The following BAIAP2L1 variants were observed in gnomAD, a reference collection of about 807,000 sequenced individuals.
The protein encoded by BAIAP2L1 is BAR/IMD domain containing adaptor protein 2 like 1.
A neutral mutation model predicts 66.3 loss-of-function variants in BAIAP2L1; 35 were observed. The ratio of observed to expected loss-of-function variants is 0.53; its 90% CI spans 0.40 to 0.70. The LOEUF (loss-of-function observed/expected upper bound fraction) is 0.70. BAIAP2L1 is among the 30% of genes least tolerant of loss of function. The probability of loss-of-function intolerance (pLI) is 0.00; values close to 1 mark genes in which losing one functional copy is unlikely to be tolerated. For missense variants in BAIAP2L1, 622 were observed against 656.9 expected, an observed-to-expected ratio of 0.95 and a Z score of 0.58; for synonymous variants, 269 against 248.7, an observed-to-expected ratio of 1.08 and a Z score of -0.77.
chr7:98,372,087 C>A (rs1488761811), intron 1 of BAIAP2L1, among the ~76,000 whole-genome samples: 1 of 151,972 alleles, frequency 6.6e-6, no homozygotes, highest in Non-Finnish European at 1.5e-5. Flanking sequence ...AGCCATCGCG[C>A]CCGGCCCTCT....
chr7:98,378,991 G>A (rs1040877298), intron 1 of BAIAP2L1, among the ~76,000 whole-genome samples: 2 of 152,118 alleles, frequency 1.3e-5, no homozygotes, highest in Non-Finnish European at 2.9e-5. Flanking sequence ...CACCGCGCCT[G>A]GCTAATTTTT....
chr7:98,399,304 C>A (rs920333136), intron 1 of BAIAP2L1, among the ~76,000 whole-genome samples: 3 of 152,176 alleles, frequency 2.0e-5, no homozygotes, highest in Non-Finnish European at 4.4e-5. Context: ...TTATATGTGA[C>A]AGTATACACT....
chr7:98,298,935 G>A (rs1800302005), intron 12 of BAIAP2L1, among the ~76,000 whole-genome samples: 1 of 152,010 alleles, frequency 6.6e-6, no homozygotes, highest in South Asian at 2.1e-4. Flanking sequence ...TCGACCTCCT[G>A]GGCTCAATCG....
chr7:98,388,621 C>T (rs1056561402), intron 1 of BAIAP2L1, among the ~76,000 whole-genome samples: 3 of 152,216 alleles, frequency 2.0e-5, no homozygotes, highest in African/African-American at 7.2e-5. Context: ...GTATCTTAAG[C>T]TGCTCAAAGT....
Position 98,293,037 on chromosome 7 carries a change from A to G in BAIAP2L1, c.*484T>C, listed in dbSNP as rs1800035470. ...TAAATTACATTTATATAGTATTTTC[A>G]TAATTTATATTGCTTAAAATTATGA... On this transcript the variant is annotated 3_prime_UTR_variant, in exon 14 of 14. Transcript: ENST00000005260. 1 of 922,784 alleles carries G rather than the reference A, an allele frequency of 1.1e-6. No individual in the cohort carries two copies. The highest frequency in any genetic ancestry group is 1.3e-6 in the Non-Finnish European group (1 of 750,102). 57.2% of individuals were successfully genotyped at this position (922,784 alleles called of 1,614,324 possible). A position where few individuals can be genotyped will look rare whatever the true frequency, so the allele number is the denominator to read the frequency against.
chr7:98,304,398 G>A (rs1800552073), intron 11 of BAIAP2L1, 22 bp from the exon 12 acceptor site: 1 of 1,612,068 alleles, frequency 6.2e-7, no homozygotes, highest in Non-Finnish European at 8.5e-7. Flanking sequence ...AAAGGACACA[G>A]CACGTGTTAG....
intron 3 of BAIAP2L1, among the ~76,000 whole-genome samples, chr7:98,330,075 A>G (rs556448601): frequency 1.3e-5 from 2 of 152,240 alleles, no homozygotes; most frequent in Admixed American, 1.3e-4. Flanking sequence ...AAATCCTCAC[A>G]CTAAAGGCTC....
intron 1 of BAIAP2L1, among the ~76,000 whole-genome samples, chr7:98,380,965 A>G (rs3779194): frequency 0.38 from 58,206 of 151,800 alleles, 12,546 homozygotes; most frequent in Middle Eastern, 0.55. Context: ...AGCACAGCCC[A>G]GCATACTGAG....
intron 3 of BAIAP2L1, among the ~76,000 whole-genome samples, chr7:98,344,684 C>T: frequency 6.6e-6 from 1 of 152,168 alleles, no homozygotes; most frequent in Admixed American, 6.5e-5. Context: ...GCCTGTAATC[C>T]AGCACTTTGG....
chr7:98,331,465 CTTT>C (rs34202570), intron 3 of BAIAP2L1, among the ~76,000 whole-genome samples: 7 of 115,674 alleles, frequency 6.1e-5, no homozygotes, highest in African/African-American at 9.8e-5. Flanking sequence ...AAAGAAAAAT[CTTT>C]TTTTTTTTTT....
intron 1 of BAIAP2L1, among the ~76,000 whole-genome samples, chr7:98,388,985 C>A (rs7783127): frequency 0.38 from 57,184 of 149,332 alleles, 12,230 homozygotes; most frequent in Middle Eastern, 0.55. Flanking sequence ...AAAAAAAAAA[C>A]AAAAAACAAA....
chr7:98,381,309 G>A (rs1298237843), intron 1 of BAIAP2L1, among the ~76,000 whole-genome samples: 1 of 152,170 alleles, frequency 6.6e-6, no homozygotes, highest in Non-Finnish European at 1.5e-5. Flanking sequence ...ATTTCATTAT[G>A]ACATAATCAT....
intron 1 of BAIAP2L1, among the ~76,000 whole-genome samples, chr7:98,373,301 T>C (rs987872229): frequency 5.3e-5 from 8 of 152,210 alleles, no homozygotes; most frequent in East Asian, 1.9e-4. Context: ...CTTTGAGGTA[T>C]TGAGTTAGAT....
intron 1 of BAIAP2L1, among the ~76,000 whole-genome samples, chr7:98,393,473 CCTTTT>C (rs1803120676): frequency 6.6e-6 from 1 of 151,808 alleles, no homozygotes; most frequent in Non-Finnish European, 1.5e-5. Context: ...AAAATACCTT[CCTTTT>C]CTTTTTATGT....
At position 98,293,399 on chromosome 7, in the gene BAIAP2L1, G is replaced by T; in HGVS notation, c.*122C>A. 8.0e-6 allele frequency: 7 copies of T among 874,786 alleles called. No homozygotes were observed. The highest frequency in any genetic ancestry group is 1.3e-5 in the Non-Finnish European group (7 of 549,186). The allele number at this position is 874,786 out of a possible 1,614,324, so 54.2% of individuals were successfully genotyped here. On this transcript the variant is annotated 3_prime_UTR_variant, in exon 14 of 14. Transcript: ENST00000005260. ...AGAGAAGCATGATTTGCTTAAGCAG[G>T]CGACATTAGAGTTAGGCCTCTCCAC...
At chr7:98,362,495 T>G (rs912247753) in intron 1 of BAIAP2L1, 63 bp from the exon 2 acceptor site, 1 of 1,430,384 alleles carries the variant, frequency 7.0e-7, no homozygotes, top group Non-Finnish European at 9.7e-7. Flanking sequence ...ATCTTCAGAT[T>G]TTGTCACTGT....
At chr7:98,376,778 G>C (rs2115786172) in intron 1 of BAIAP2L1, among the ~76,000 whole-genome samples, 1 of 152,138 alleles carries the variant, frequency 6.6e-6, no homozygotes, top group South Asian at 2.1e-4. Flanking sequence ...GTTGCGGTGA[G>C]CTGAGATTAT....
chr7:98,354,669 C>T (rs555487527), intron 3 of BAIAP2L1, among the ~76,000 whole-genome samples: 10 of 152,240 alleles, frequency 6.6e-5, no homozygotes, highest in Non-Finnish European at 1.0e-4. Context: ...GTAAAGGAGT[C>T]GGATTTTCTA....
At chr7:98,363,638 C>T (rs1394342265) in intron 1 of BAIAP2L1, among the ~76,000 whole-genome samples, 3 of 152,190 alleles carry the variant, frequency 2.0e-5, no homozygotes, top group Non-Finnish European at 2.9e-5. Flanking sequence ...TCAGACTTCA[C>T]GACTCACAAC....
Sources: allele counts gnomAD v4.1 joint callset (sites outside exome capture counted in the v4.1 genomes callset), GRCh38; gene constraint gnomAD v4.1.1; transcripts MANE v1.5; gene names NCBI Gene and HGNC (gene_info 2026-07-23, HGNC 2026-07-21).